Variants in ATP12A observed in about 807,000 individuals in gnomAD.
ATP12A encodes ATPase H+/K+ transporting non-gastric alpha2 subunit.
ATP12A carries 81 observed loss-of-function variants against 111.2 expected under a neutral mutation model. The observed-to-expected ratio is 0.73, with a 90% CI of 0.61 to 0.88. ATP12A has a LOEUF of 0.88. ATP12A is among the 40% of genes least tolerant of loss of function. The pLI is 0.00. For synonymous variants in ATP12A, 498 were observed against 499.8 expected (o/e 1.00, Z 0.05); for missense variants, 1,196 against 1,313.1 (o/e 0.91, Z 1.38).
At chr13:24,697,639 CAAAAA>C (rs67009964) in intron 11 of ATP12A, among the ~76,000 whole-genome samples, 6,241 of 96,822 alleles carry the variant, frequency 0.064, 161 homozygotes, top group South Asian at 0.17. Flanking sequence ...GACCCCGTCT[CAAAAA>C]AAAAAAAAAA....
rs767784941 is a variant in ATP12A at position 24,707,016 on chromosome 13, G to A, written c.2170-7G>A. On this transcript the variant is annotated splice_polypyrimidine_tract_variant and splice_region_variant and intron_variant, in intron 15 of 22. Transcript: ENST00000381946. Reference sequence around the variant, plus strand: ...CTCCCACTTTCTCCCTGGGTCCCCCGCCATAGGATGCTGTTGTTGCTGTGA... The same window carrying A: ...CTCCCACTTTCTCCCTGGGTCCCCCACCATAGGATGCTGTTGTTGCTGTGA... The A allele has an allele frequency of 1.4e-5, 22 of 1,586,212 alleles. No homozygotes were observed. In the East Asian group the frequency reaches 1.8e-4, roughly 13 times the overall value.
chr13:24,688,838 C>T (rs1874763728), intron 4 of ATP12A, among the ~76,000 whole-genome samples: 1 of 152,162 alleles, frequency 6.6e-6, no homozygotes, highest in Non-Finnish European at 1.5e-5. Flanking sequence ...GACATGAGTA[C>T]CAAATCCACA....
At chr13:24,702,506 A>G (rs1276676840) in intron 14 of ATP12A, among the ~76,000 whole-genome samples, 1 of 152,234 alleles carries the variant, frequency 6.6e-6, no homozygotes, top group Non-Finnish European at 1.5e-5. Flanking sequence ...CATAACGTGT[A>G]GCTATGTAAA....
In ATP12A at chr13:24,685,678, A is replaced by G. The variant is rs1355092650; in HGVS notation, c.228+305A>G. ...ATGGAAGTGTCCTGAGATTCACTCT[A>G]TCCCCCTGGGATGGCTACAAGAAGT... On this transcript the variant is annotated intron_variant, in intron 3 of 22. Coordinates refer to ENST00000381946, the MANE Select transcript of ATP12A (RefSeq NM_001676.7). The surrounding 1 kb of genome is among the most constrained non-coding windows in gnomAD (Gnocchi z 5.5). 6.6e-6 allele frequency among the ~76,000 whole-genome samples: 1 copy of G among 152,192 alleles called. No individual in the cohort carries two copies. The highest frequency in any genetic ancestry group is 2.4e-5 in the African/African-American group (1 of 41,438).
In ATP12A at chr13:24,688,425, T is replaced by C. The variant is rs1566070198; in HGVS notation, c.335T>C (p.Val112Ala). The C allele has an allele frequency of 6.2e-7, 1 of 1,613,968 alleles. No homozygotes were observed. Among genetic ancestry groups the C allele is most frequent in the Admixed American group, 1.7e-5 (1 of 60,002 alleles). Residue 112 changes from valine (V) to alanine (A), a missense_variant, in exon 4 of 23, where the codon GTG (valine) becomes GCG (alanine). By Grantham distance (64) the Val-to-Ala change is moderately conservative. Coordinates refer to ENST00000381946, the MANE Select transcript of ATP12A (RefSeq NM_001676.7). ...ATCGTCAAGTTCCTCAAGCAGATGG[T>C]GGGGGGGTTCTCTATCCTCCTGTGG... The part of the protein sequence containing the change: ...PEIVKFLKQM[V>A]GGFSILLWVG...
At chr13:24,706,229 G>A in intron 14 of ATP12A, 84 bp from the exon 15 acceptor site, 1 of 1,542,804 alleles carries the variant, frequency 6.5e-7, no homozygotes, top group South Asian at 1.3e-5. Flanking sequence ...AGTCAGAGAG[G>A]CTTCAGCCAG....
chr13:24,697,670 AAGAG>A (rs1485391131), intron 11 of ATP12A, among the ~76,000 whole-genome samples: 1 of 149,694 alleles, frequency 6.7e-6, no homozygotes. Flanking sequence ...TTAAGAGAGA[AAGAG>A]AGAAAGAAAA....
At chr13:24,682,332 G>A (rs192028905) in intron 2 of ATP12A, among the ~76,000 whole-genome samples, 12,895 of 127,990 alleles carry the variant, frequency 0.1, 1,188 homozygotes, top group Middle Eastern at 0.15. Flanking sequence ...TGTGTGTAGC[G>A]TGTGGTGTGT....
chr13:24,685,216 A>G lies in ATP12A; in HGVS notation c.169-98A>G. On this transcript the variant is annotated intron_variant, in intron 2 of 22. Coordinates refer to ENST00000381946, the MANE Select transcript of ATP12A (RefSeq NM_001676.7). The surrounding 1 kb of genome is among the most constrained non-coding windows in gnomAD (Gnocchi z 5.5). ...CACTCCTCGATCCCCTCCCATCCTC[A>G]GGGCTGCTACTCCCAGCTTCCATGG... 8.7e-7 allele frequency: 1 copy of G among 1,145,638 alleles called. No individual in the cohort carries two copies. Among genetic ancestry groups the G allele is most frequent in the Non-Finnish European group, 1.3e-6 (1 of 757,942 alleles). 71.0% of individuals were successfully genotyped at this position (1,145,638 alleles called of 1,614,324 possible).
chr13:24,706,046 G>C (rs191319424), intron 14 of ATP12A, among the ~76,000 whole-genome samples: 1 of 152,310 alleles, frequency 6.6e-6, no homozygotes, highest in East Asian at 1.9e-4. Flanking sequence ...ACTCTCACCT[G>C]TTCTAGTAGG....
In ATP12A at chr13:24,682,373, TG is replaced by T. The variant is rs1874510288; in HGVS notation, c.168+655del. 3.5e-5 allele frequency among the ~76,000 whole-genome samples: 5 copies of T among 143,278 alleles called. 1 individual carries two copies. The highest frequency in any genetic ancestry group is 4.1e-4 in the East Asian group (2 of 4,884). 94.0% of individuals were successfully genotyped at this position (143,278 alleles called of 152,430 possible). A position where few individuals can be genotyped will look rare whatever the true frequency, so the allele number is the denominator to read the frequency against. On this transcript the variant is annotated intron_variant, in intron 2 of 22. Transcript: ENST00000381946. ...GTGTGTGGTGTATATGTGTGGTGTG[TG>T]GTGTGTGTGTGGTGTGTGGTGTGTG...
chr13:24,686,165 G>A (rs532462936), intron 3 of ATP12A, among the ~76,000 whole-genome samples: 1 of 152,334 alleles, frequency 6.6e-6, no homozygotes, highest in Non-Finnish European at 1.5e-5. Flanking sequence ...GGGGCCAGAC[G>A]TGGTGGCTCA....
chr13:24,690,852 G>A, intron 7 of ATP12A, 130 bp from the exon 8 acceptor site: 1 of 1,466,916 alleles, frequency 6.8e-7, no homozygotes, highest in South Asian at 1.3e-5. Context: ...GAAGGGCCTA[G>A]AGGACGATGC....
chr13:24,683,204 C>T (rs990054922), intron 2 of ATP12A, among the ~76,000 whole-genome samples: 78 of 152,302 alleles, frequency 5.1e-4, no homozygotes, highest in African/African-American at 1.8e-3. Flanking sequence ...ATGATCCACC[C>T]GCCTCAGCTT....
chr13:24,708,900 G>GGAAAGAAAGAAAGAAA (rs764913574), intron 17 of ATP12A, among the ~76,000 whole-genome samples: 26 of 65,190 alleles, frequency 4.0e-4, no homozygotes, highest in East Asian at 2.1e-3. Context: ...AAGAAAGAAA[G>GGAAAGAAAGAAAGAAA]GAAAGAAAGA....
rs370993438 is a variant in ATP12A, at chr13:24,690,438, C to T, written c.647C>T (p.Ala216Val). 5.6e-6 allele frequency: 9 copies of T among 1,613,682 alleles called. No homozygotes were observed. In the African/African-American group the frequency reaches 1.2e-4, roughly 22 times the overall value. The change falls in exon 6 of 23, where the codon GCA becomes GTA. Residue 216 changes from alanine to valine, a missense_variant. Physicochemically the swap from Ala to Val is moderately conservative, Grantham distance 64. Around this residue, in one of 3 missense-constraint regions of ATP12A, gnomAD observed 1,126 missense variants for 1,228.5 expected, o/e 0.92. Transcript: ENST00000381946. ...VEVKGGDQIP[A>V]DIRVLSSQGC... is the part of the protein sequence containing the mutation. ...GTCAAAGGAGGAGACCAGATCCCTGCAGACATCAGGGTGCTGTCTTCTCAG... is the reference window on the plus strand; with the variant it reads ...GTCAAAGGAGGAGACCAGATCCCTGTAGACATCAGGGTGCTGTCTTCTCAG...
chr13:24,690,660 T>C lies in ATP12A; in HGVS notation c.738T>C (p.Phe246=). The change falls in exon 7 of 23, where the codon TTT becomes TTC. Residue 246 remains phenylalanine (F), a synonymous_variant. Transcript: ENST00000381946. The stretch of plus-strand genomic sequence containing the variant: ...AGCCCCAGCCCCGCTCCTCTGAGTT[T>C]ACCCATGAAAACCCCCTGGAAACAA... ...ESEPQPRSSE[F]THENPLETKN... is the part of the protein sequence containing the mutation. 1 of 1,614,004 alleles carries C rather than the reference T, an allele frequency of 6.2e-7. No homozygotes were observed. The highest frequency in any genetic ancestry group is 8.5e-7 in the Non-Finnish European group (1 of 1,179,988).
At chr13:24,706,919 C>G (rs1875677586) in intron 15 of ATP12A, 104 bp from the exon 16 acceptor site, 1 of 1,312,040 alleles carries the variant, frequency 7.6e-7, no homozygotes, top group Non-Finnish European at 1.0e-6. Context: ...CAGCTATAAT[C>G]ATCCTCGCAA....
At chr13:24,682,136 GTA>G (rs879365986) in intron 2 of ATP12A, among the ~76,000 whole-genome samples, 1 of 115,936 alleles carries the variant, frequency 8.6e-6, no homozygotes, top group Non-Finnish European at 1.8e-5. Flanking sequence ...TGTGTGGTGT[GTA>G]TATGTGTGTG....
Sources: allele counts gnomAD v4.1 joint callset (sites outside exome capture counted in the v4.1 genomes callset), GRCh38; gene constraint gnomAD v4.1.1; regional missense constraint gnomAD v4.1.1; non-coding constraint Gnocchi (gnomAD v3.1); transcripts MANE v1.5; gene names NCBI Gene and HGNC (gene_info 2026-07-23, HGNC 2026-07-21).